MARCHF8: variants seen among roughly 807,000 people sequenced by gnomAD.
The protein encoded by MARCHF8 is membrane associated ring-CH-type finger 8, also known as E3 ubiquitin-protein ligase MARCHF8.
Under a neutral mutation model 51.6 loss-of-function variants are expected in MARCHF8, and 40 were observed. The observed-to-expected ratio is 0.77, with a 90% CI of 0.60 to 1.01. The LOEUF is 1.01. Ranked by LOEUF, MARCHF8 falls within the 50% of genes least tolerant of loss-of-function variation. The pLI is 0.00. For missense variants in MARCHF8, 685 were observed against 708.6 expected, an observed-to-expected ratio of 0.97 and a Z score of 0.38; for synonymous variants, 263 against 280.3, an observed-to-expected ratio of 0.94 and a Z score of 0.62.
At chr10:45,464,091 A>G (rs1358370474) in intron 4 of MARCHF8, 95 bp from the exon 5 acceptor site, 1 of 1,511,706 alleles carries the variant, frequency 6.6e-7, no homozygotes, top group Non-Finnish European at 8.9e-7. Flanking sequence ...AGCATGGGTA[A>G]CTTGGTGAGC....
At chr10:45,464,404 G>C in intron 3 of MARCHF8, 77 bp from the exon 4 acceptor site, 1 of 1,218,080 alleles carries the variant, frequency 8.2e-7, no homozygotes, top group South Asian at 1.2e-5. Flanking sequence ...AATGGTGACA[G>C]GGAGAAACCC....
chr10:45,525,614 A>G (rs1200097902), intron 2 of MARCHF8, among the ~76,000 whole-genome samples: 1 of 152,226 alleles, frequency 6.6e-6, no homozygotes, highest in Non-Finnish European at 1.5e-5. Context: ...ATGAAGTACA[A>G]AAGGGGAGAA....
chr10:45,514,362 T>C (rs1164180537), intron 2 of MARCHF8, among the ~76,000 whole-genome samples: 3 of 152,256 alleles, frequency 2.0e-5, no homozygotes, highest in Non-Finnish European at 2.9e-5. Context: ...CAAGAATGCA[T>C]TGGTGTGCGC....
chr10:45,498,335 A>T (rs1405597466), intron 2 of MARCHF8, among the ~76,000 whole-genome samples: 3 of 152,176 alleles, frequency 2.0e-5, no homozygotes, highest in Non-Finnish European at 4.4e-5. Context: ...AATATTTTTA[A>T]AAATTTTTAC....
rs1842850867 is a variant in MARCHF8, at chr10:45,463,253, G to A, written c.986C>T (p.Pro329Leu). 1 of 1,550,874 alleles carries A rather than the reference G, an allele frequency of 6.4e-7. No individual in the cohort carries two copies. Among genetic ancestry groups the A allele is most frequent in the South Asian group, 1.2e-5 (1 of 84,066 alleles). ...GCTGTCCTTTTCCGTGGAGCAGAGG[G>A]GCGCCCGCAGAACCCTACTCTTCAG... Reference protein sequence around the residue: ...AKLKSRVLRAPLCSTEKDSDL... With the variant: ...AKLKSRVLRALLCSTEKDSDL... The change falls in exon 5 of 8, where the codon CCC becomes CTC. Residue 329 changes from proline (P) to leucine (L), a missense_variant. Physicochemically the swap from Pro to Leu is moderately conservative, Grantham distance 98. Transcript: ENST00000453424.
intron 6 of MARCHF8, 80 bp from the exon 7 acceptor site, chr10:45,459,347 G>T: frequency 6.8e-7 from 1 of 1,472,880 alleles, no homozygotes. Flanking sequence ...AGGTAGGTAA[G>T]ATTGGCTTTC....
intron 1 of MARCHF8, among the ~76,000 whole-genome samples, chr10:45,567,007 G>T (rs576998407): frequency 6.6e-6 from 1 of 152,208 alleles, no homozygotes; most frequent in Admixed American, 6.5e-5. Context: ...TTGTAGTTTT[G>T]ATTTGCATTT....
At chr10:45,480,753 T>G (rs919544348) in intron 3 of MARCHF8, among the ~76,000 whole-genome samples, 11 of 152,228 alleles carry the variant, frequency 7.2e-5, no homozygotes, top group Admixed American at 1.3e-4. Context: ...GGCACTGGTA[T>G]GCTGCAAGGA....
intron 3 of MARCHF8, among the ~76,000 whole-genome samples, chr10:45,487,554 G>A (rs1219773316): frequency 2.0e-5 from 3 of 152,182 alleles, no homozygotes; most frequent in Non-Finnish European, 4.4e-5. Context: ...AAAATGGGCA[G>A]CAATGGTTTA....
chr10:45,511,102 TGAA>T (rs2043491870), intron 2 of MARCHF8, among the ~76,000 whole-genome samples: 2 of 152,374 alleles, frequency 1.3e-5, no homozygotes, highest in South Asian at 2.1e-4. Context: ...AGTAATGTAC[TGAA>T]GAATACAATC....
At chr10:45,570,745 T>C (rs547839724) in intron 1 of MARCHF8, among the ~76,000 whole-genome samples, 1 of 152,334 alleles carries the variant, frequency 6.6e-6, no homozygotes, top group East Asian at 1.9e-4. Context: ...ACAAGATTCA[T>C]TTAAGTAAGT....
At chr10:45,563,952 T>C (rs1032890000) in intron 1 of MARCHF8, among the ~76,000 whole-genome samples, 2 of 152,172 alleles carry the variant, frequency 1.3e-5, no homozygotes, top group East Asian at 3.9e-4. Flanking sequence ...CATGGTCTTA[T>C]TGAGCAAACA....
chr10:45,486,306 C>A (rs2042977886), intron 3 of MARCHF8, among the ~76,000 whole-genome samples: 1 of 152,182 alleles, frequency 6.6e-6, no homozygotes, highest in Admixed American at 6.5e-5. Flanking sequence ...TGGCTCACGC[C>A]TGTAATCCTA....
chr10:45,592,061 C>T (rs1446638914), intron 1 of MARCHF8, among the ~76,000 whole-genome samples: 1 of 152,174 alleles, frequency 6.6e-6, no homozygotes, highest in African/African-American at 2.4e-5. Flanking sequence ...ACCTGGAGAA[C>T]TAGAACACCA....
chr10:45,497,706 C>CA (rs201441146), intron 2 of MARCHF8, among the ~76,000 whole-genome samples: 36 of 149,444 alleles, frequency 2.4e-4, no homozygotes, highest in Non-Finnish European at 4.3e-4. Flanking sequence ...AAGAACTCAC[C>CA]AAAAAAAAAC....
At chr10:45,481,154 C>A (rs183991078) in intron 3 of MARCHF8, among the ~76,000 whole-genome samples, 1 of 152,330 alleles carries the variant, frequency 6.6e-6, no homozygotes, top group Admixed American at 6.5e-5. Context: ...TTAGCCCCTT[C>A]ATTTTGGCCA....
chr10:45,507,855 T>C (rs2043416831), intron 2 of MARCHF8, among the ~76,000 whole-genome samples: 1 of 152,080 alleles, frequency 6.6e-6, no homozygotes, highest in African/African-American at 2.4e-5. Context: ...GTAGTTCCTG[T>C]AGTATCAAAT....
chr10:45,503,348 C>A (rs2043316069), intron 2 of MARCHF8, among the ~76,000 whole-genome samples: 1 of 151,876 alleles, frequency 6.6e-6, no homozygotes, highest in Admixed American at 6.6e-5. Flanking sequence ...CCATCCTGGC[C>A]AACACGGTAA....
chr10:45,513,510 G>A (rs1039564748), intron 2 of MARCHF8, among the ~76,000 whole-genome samples: 1 of 152,134 alleles, frequency 6.6e-6, no homozygotes, highest in Non-Finnish European at 1.5e-5. Flanking sequence ...CTCAGGGCTT[G>A]TGTTCAGGGG....
Sources: allele counts gnomAD v4.1 joint callset (sites outside exome capture counted in the v4.1 genomes callset), GRCh38; gene constraint gnomAD v4.1.1; transcripts MANE v1.5; gene names NCBI Gene and HGNC (gene_info 2026-07-23, HGNC 2026-07-21).